FBXL17: variants seen among roughly 807,000 people sequenced by gnomAD.
The protein encoded by FBXL17 is F-box and leucine rich repeat protein 17.
In FBXL17, 22 loss-of-function variants were observed where a neutral mutation model predicts 66.2. The ratio of observed to expected loss-of-function variants is 0.33; its 90% CI spans 0.24 to 0.47. The LOEUF is 0.47. FBXL17 is among the 20% of genes least tolerant of loss of function. The pLI is 1.00. For missense variants in FBXL17, 878 were observed against 948.2 expected (o/e 0.93, Z 0.97); for synonymous variants, 474 against 400.5 (o/e 1.18, Z -2.19).
chr5:108,312,661 T>C (rs1307877980), intron 4 of FBXL17, among the ~76,000 whole-genome samples: 1 of 152,148 alleles, frequency 6.6e-6, no homozygotes, highest in East Asian at 1.9e-4. Flanking sequence ...AAAATAAAAT[T>C]TCCACCCTTA....
In FBXL17 at chr5:108,007,518, C is replaced by T. The variant is rs115896766; in HGVS notation, c.1822+13407G>A. On this transcript the variant is annotated intron_variant, in intron 7 of 8. Coordinates refer to ENST00000542267, the MANE Select transcript of FBXL17 (RefSeq NM_001163315.3). ...AAAGTCTAATTCTACAATTTTCAAC[C>T]AGTTTCTTAAAGGTGAAAAAAAAAA... 5.6e-3 allele frequency among the ~76,000 whole-genome samples: 856 copies of T among 151,876 alleles called. 8 individuals are homozygous for T. Among genetic ancestry groups the T allele is most frequent in the African/African-American group, 0.019 (774 of 41,398 alleles).
intron 6 of FBXL17, among the ~76,000 whole-genome samples, chr5:108,154,693 ATG>A (rs1283170195): frequency 6.9e-6 from 1 of 144,648 alleles, no homozygotes; most frequent in Non-Finnish European, 1.5e-5. Context: ...ACACATATAT[ATG>A]TATATACATA....
At chr5:108,283,227 C>T (rs1369261868) in intron 4 of FBXL17, among the ~76,000 whole-genome samples, 1 of 151,750 alleles carries the variant, frequency 6.6e-6, no homozygotes, top group African/African-American at 2.4e-5. Context: ...AAGCTAGAGT[C>T]ATCACATTAG....
intron 8 of FBXL17, among the ~76,000 whole-genome samples, chr5:107,877,873 A>T (rs1189762122): frequency 6.6e-6 from 1 of 152,050 alleles, no homozygotes; most frequent in Non-Finnish European, 1.5e-5. Flanking sequence ...GGCACAGATG[A>T]TCACAGACTG....
chr5:107,918,566 A>T (rs1358680188), intron 7 of FBXL17, among the ~76,000 whole-genome samples: 1 of 152,200 alleles, frequency 6.6e-6, no homozygotes, highest in Non-Finnish European at 1.5e-5. Context: ...ATGGAACAAG[A>T]ATATGGATAA....
chr5:108,158,182 T>C (rs1561439085), intron 6 of FBXL17, among the ~76,000 whole-genome samples: 1 of 152,104 alleles, frequency 6.6e-6, no homozygotes, highest in Non-Finnish European at 1.5e-5. Flanking sequence ...TATAAAACTA[T>C]TAAAATTATT....
chr5:107,860,278 T>C lies in FBXL17; in HGVS notation c.*1442A>G, dbSNP rs568050156. The C allele has an allele frequency of 1.3e-5, 2 of 152,764 alleles. No homozygotes were observed. Among genetic ancestry groups the C allele is most frequent in the African/African-American group, 4.8e-5 (2 of 41,578 alleles). The allele number at this position is 152,764 out of a possible 1,614,324, so 9.5% of individuals were successfully genotyped here. A position where few individuals can be genotyped will look rare whatever the true frequency, so the allele number is the denominator to read the frequency against. On this transcript the variant is annotated 3_prime_UTR_variant, in exon 9 of 9. Transcript: ENST00000542267. The stretch of plus-strand genomic sequence containing the variant: ...TCTGTTAAAGACCAAATAACAGTTA[T>C]ATTCACTCAGGGAAAAATAAATAGC...
At chr5:108,363,652 T>C (rs1245520186) in intron 3 of FBXL17, among the ~76,000 whole-genome samples, 1 of 151,994 alleles carries the variant, frequency 6.6e-6, no homozygotes, top group Non-Finnish European at 1.5e-5. Context: ...GCTCCTTCTC[T>C]ACTTCAACCA....
At chr5:107,924,875 A>G (rs751574651) in intron 7 of FBXL17, among the ~76,000 whole-genome samples, 39 of 152,348 alleles carry the variant, frequency 2.6e-4, no homozygotes, top group Non-Finnish European at 4.3e-4. Flanking sequence ...TAAGAAGCTA[A>G]TATGTGAAAT....
At position 108,381,038 on chromosome 5, in the gene FBXL17, C is replaced by A; in HGVS notation, c.654G>T (p.Gly218=). 1 of 1,200,364 alleles carries A rather than the reference C, an allele frequency of 8.3e-7. No homozygotes were observed. The highest frequency in any genetic ancestry group is 1.0e-6 in the Non-Finnish European group (1 of 968,204). The allele number at this position is 1,200,364 out of a possible 1,614,324, so 74.4% of individuals were successfully genotyped here. Residue 218 remains glycine, a synonymous_variant, in exon 1 of 9, where the codon GGG becomes GGT. Transcript: ENST00000542267. ...CGCCGCCGCCGCCGCCGCCGCAGCC[C>A]CCGCCGCCGCAGCGGGGCTGCTTGC... ...TPCKQPRCGG[G]GCGGGGGGGG... is the part of the protein sequence containing the mutation.
chr5:108,240,705 A>C (rs1755817582), intron 4 of FBXL17, among the ~76,000 whole-genome samples: 1 of 152,144 alleles, frequency 6.6e-6, no homozygotes, highest in Admixed American at 6.5e-5. Flanking sequence ...TAGGGCCTTG[A>C]CTGAACACAG....
At chr5:108,322,364 A>C (rs990762939) in intron 4 of FBXL17, among the ~76,000 whole-genome samples, 1 of 151,998 alleles carries the variant, frequency 6.6e-6, no homozygotes, top group Non-Finnish European at 1.5e-5. Flanking sequence ...GGAGAAAAAA[A>C]GGGAACAATC....
At chr5:108,177,236 A>C (rs1752826487) in intron 6 of FBXL17, among the ~76,000 whole-genome samples, 1 of 152,232 alleles carries the variant, frequency 6.6e-6, no homozygotes. Flanking sequence ...TACAAAACAC[A>C]AAAATGGGCA....
At chr5:108,162,200 G>A (rs1172308860) in intron 6 of FBXL17, among the ~76,000 whole-genome samples, 2 of 152,138 alleles carry the variant, frequency 1.3e-5, no homozygotes, top group Non-Finnish European at 2.9e-5. Context: ...CAAGGTAGGA[G>A]CTCAATAAAC....
At chr5:107,918,977 G>A (rs924081894) in intron 7 of FBXL17, among the ~76,000 whole-genome samples, 8 of 152,106 alleles carry the variant, frequency 5.3e-5, no homozygotes, top group South Asian at 4.2e-4. Flanking sequence ...TTGTGGGAGA[G>A]GCTGTGTGAT....
chr5:108,158,456 A>G (rs973557099), intron 6 of FBXL17, among the ~76,000 whole-genome samples: 1 of 152,144 alleles, frequency 6.6e-6, no homozygotes, highest in Non-Finnish European at 1.5e-5. Context: ...TCAAATTTCC[A>G]CAAATAAAAC....
intron 4 of FBXL17, among the ~76,000 whole-genome samples, chr5:108,336,115 GAACAT>G (rs1760370143): frequency 6.6e-6 from 1 of 151,846 alleles, no homozygotes; most frequent in Non-Finnish European, 1.5e-5. Flanking sequence ...AAAATTGTTA[GAACAT>G]ATTAAAGAAA....
At chr5:108,252,652 A>T (rs565332776) in intron 4 of FBXL17, among the ~76,000 whole-genome samples, 72 of 152,260 alleles carry the variant, frequency 4.7e-4, no homozygotes, top group African/African-American at 1.6e-3. Flanking sequence ...CCATTTAAAT[A>T]TGTTCTACTA....
At chr5:108,154,603 A>C (rs1313900464) in intron 6 of FBXL17, among the ~76,000 whole-genome samples, 4 of 92,832 alleles carry the variant, frequency 4.3e-5, no homozygotes, top group Non-Finnish European at 8.5e-5. Flanking sequence ...AAAAAAAAAA[A>C]AAAATATATA....
Sources: allele counts gnomAD v4.1 joint callset (sites outside exome capture counted in the v4.1 genomes callset), GRCh38; gene constraint gnomAD v4.1.1; transcripts MANE v1.5; gene names NCBI Gene and HGNC (gene_info 2026-07-23, HGNC 2026-07-21).